Variants in TRAF3IP1 observed in about 807,000 individuals in gnomAD.
TRAF3IP1 encodes the protein intraflagellar transport 54, also known as TRAF3-interacting protein 1.
A neutral mutation model predicts 89.9 loss-of-function variants in TRAF3IP1; 53 were observed. The observed-to-expected ratio is 0.59, with a 90% CI of 0.47 to 0.74. TRAF3IP1 has a LOEUF of 0.74. TRAF3IP1 is among the 30% of genes least tolerant of loss of function. TRAF3IP1 has a pLI of 0.00. For missense variants in TRAF3IP1, 806 were observed against 866.1 expected (o/e 0.93, Z 0.87); for synonymous variants, 311 against 322.1 (o/e 0.97, Z 0.37).
intron 15 of TRAF3IP1, among the ~76,000 whole-genome samples, chr2:238,369,844 G>T (rs1377519601): frequency 2.0e-5 from 3 of 152,138 alleles, no homozygotes; most frequent in African/African-American, 7.2e-5. Context: ...ATCATTATGG[G>T]CTTGTGCCTT....
At chr2:238,369,515 A>G (rs1321409062) in intron 15 of TRAF3IP1, among the ~76,000 whole-genome samples, 1 of 152,162 alleles carries the variant, frequency 6.6e-6, no homozygotes, top group Non-Finnish European at 1.5e-5. Context: ...AGTTTTGAAC[A>G]GTACAGCTAT....
At position 238,357,844 on chromosome 2, in the gene TRAF3IP1, A is replaced by G. The variant is rs1026527290; in HGVS notation, c.1689+1764A>G. Among the ~76,000 whole-genome samples the G allele has an allele frequency of 6.6e-5, 10 of 152,316 alleles. No homozygotes were observed. In the East Asian group the frequency reaches 1.2e-3, roughly 18 times the overall value. The stretch of plus-strand genomic sequence containing the variant: ...TAGCTATGATTTTTACGCAAAGCAT[A>G]TTAGGATTGTGTTTCAAAGTCTCCT... On this transcript the variant is annotated intron_variant, in intron 15 of 16. Transcript: ENST00000373327.
At chr2:238,377,197 G>A (rs1294108024) in intron 15 of TRAF3IP1, among the ~76,000 whole-genome samples, 1 of 148,666 alleles carries the variant, frequency 6.7e-6, no homozygotes, top group African/African-American at 2.5e-5. Context: ...AATGGTGATT[G>A]TGGGTAACCT....
intron 1 of TRAF3IP1, among the ~76,000 whole-genome samples, chr2:238,321,510 G>T (rs1482788311): frequency 6.6e-6 from 1 of 152,202 alleles, no homozygotes; most frequent in Non-Finnish European, 1.5e-5. Flanking sequence ...CCTGCCCTAC[G>T]TTGAGATTGG....
intron 3 of TRAF3IP1, 92 bp from the exon 4 acceptor site, chr2:238,328,594 C>T: frequency 1.4e-6 from 2 of 1,431,222 alleles, no homozygotes; most frequent in Non-Finnish European, 1.9e-6. Flanking sequence ...GAATCTGTCT[C>T]ATGAGCTATC....
chr2:238,359,899 C>T (rs1018630646), intron 15 of TRAF3IP1, among the ~76,000 whole-genome samples: 5 of 152,136 alleles, frequency 3.3e-5, no homozygotes, highest in Non-Finnish European at 7.4e-5. Context: ...TGGACAATAA[C>T]TGATATTAAA....
At chr2:238,380,189 C>T (rs530475404) in intron 15 of TRAF3IP1, among the ~76,000 whole-genome samples, 1 of 152,282 alleles carries the variant, frequency 6.6e-6, no homozygotes, top group Non-Finnish European at 1.5e-5. Flanking sequence ...AGTCTCTGGG[C>T]AGGTGCTGGC....
rs1006413901 is a variant in TRAF3IP1, at chr2:238,347,548, C to T, written c.1282+73C>T. On this transcript the variant is annotated intron_variant, in intron 10 of 16. Coordinates refer to ENST00000373327, the MANE Select transcript of TRAF3IP1 (RefSeq NM_015650.4). The stretch of plus-strand genomic sequence containing the variant: ...GTGTGTGAATGTGAATGTGGACTCT[C>T]AGATTCATGCTTTATAAAGTGCATT... The T allele has an allele frequency of 6.7e-6, 10 of 1,484,174 alleles. No individual in the cohort carries two copies. In the Admixed American group the frequency reaches 1.7e-4, roughly 25 times the overall value. The allele number at this position is 1,484,174 out of a possible 1,614,324, so 91.9% of individuals were successfully genotyped here.
chr2:238,365,669 T>TTA (rs1699845032), intron 15 of TRAF3IP1, among the ~76,000 whole-genome samples: 1 of 150,644 alleles, frequency 6.6e-6, no homozygotes, highest in African/African-American at 2.4e-5. Context: ...AAAAATAAAA[T>TTA]AAAAATAAAA....
chr2:238,346,348 C>T (rs929910368), intron 9 of TRAF3IP1, among the ~76,000 whole-genome samples: 2 of 152,174 alleles, frequency 1.3e-5, no homozygotes, highest in East Asian at 3.9e-4. Flanking sequence ...CCACTGTGCC[C>T]TCCAGTCCCC....
rs752565888 is a variant in TRAF3IP1 at position 238,333,990 on chromosome 2, T to C, written c.1018T>C (p.Leu340=). Residue 340 remains leucine, a synonymous_variant, in exon 7 of 17, where the codon TTG becomes CTG. Coordinates refer to ENST00000373327, the MANE Select transcript of TRAF3IP1 (RefSeq NM_015650.4). ...TEISTRASKS[L]TTKTSKRRSK... ...GATTTCCACTAGAGCTTCCAAGTCA[T>C]TGACAACAAAAACATCAAAACGGCG... 1.9e-6 allele frequency: 3 copies of C among 1,610,892 alleles called. No homozygotes were observed. The highest frequency in any genetic ancestry group is 1.1e-5 in the South Asian group (1 of 90,524).
intron 15 of TRAF3IP1, among the ~76,000 whole-genome samples, chr2:238,380,155 G>T (rs1336813447): frequency 1.3e-5 from 2 of 152,122 alleles, no homozygotes; most frequent in Non-Finnish European, 2.9e-5. Context: ...TGGTGCCCAG[G>T]CCCCTCCCCT....
intron 15 of TRAF3IP1, among the ~76,000 whole-genome samples, chr2:238,370,513 G>A (rs1700067515): frequency 6.6e-6 from 1 of 152,176 alleles, no homozygotes; most frequent in Admixed American, 6.5e-5. Context: ...CCCTGGCCGT[G>A]TGGGTGCCCT....
In TRAF3IP1 at chr2:238,356,831, A is replaced by T. The variant is rs1339598515; in HGVS notation, c.1689+751A>T. 2.8e-5 allele frequency among the ~76,000 whole-genome samples: 4 copies of T among 145,402 alleles called. No homozygotes were observed. The Admixed American group carries it at 2.8e-4, about 10-fold the overall frequency. On this transcript the variant is annotated intron_variant, in intron 15 of 16. Coordinates refer to ENST00000373327, the MANE Select transcript of TRAF3IP1 (RefSeq NM_015650.4). Reference sequence around the variant, plus strand: ...TCTCGCTCTGTCGCCCAGGCTGGAGAGCAGTGGCATGATCTCGGCTCACTG... The same window carrying T: ...TCTCGCTCTGTCGCCCAGGCTGGAGTGCAGTGGCATGATCTCGGCTCACTG...
chr2:238,324,965 G>A (rs1049654541), intron 1 of TRAF3IP1, among the ~76,000 whole-genome samples: 10 of 152,126 alleles, frequency 6.6e-5, no homozygotes, highest in African/African-American at 1.9e-4. Flanking sequence ...TCTTCTGTAA[G>A]CCTGGTCCCC....
At chr2:238,388,593 C>CTTTTTT (rs752954955) in intron 15 of TRAF3IP1, among the ~76,000 whole-genome samples, 5 of 104,196 alleles carry the variant, frequency 4.8e-5, no homozygotes, top group Non-Finnish European at 5.8e-5. Context: ...AAGAACACAA[C>CTTTTTT]TTTTTTTTTT....
At chr2:238,342,999 G>T (rs922068892) in intron 8 of TRAF3IP1, among the ~76,000 whole-genome samples, 3 of 152,102 alleles carry the variant, frequency 2.0e-5, no homozygotes, top group Non-Finnish European at 4.4e-5. Context: ...TTTCTTTTTA[G>T]AGTGGTAGGT....
chr2:238,332,929 A>C (rs1698201497), intron 6 of TRAF3IP1, 34 bp downstream of exon 6: 1 of 1,508,756 alleles, frequency 6.6e-7, no homozygotes, highest in Admixed American at 1.7e-5. Context: ...AAGAGATGTC[A>C]ACTTGTAGCT....
intron 7 of TRAF3IP1, among the ~76,000 whole-genome samples, chr2:238,334,709 G>A (rs1394777991): frequency 1.3e-5 from 2 of 152,182 alleles, no homozygotes; most frequent in Non-Finnish European, 2.9e-5. Context: ...GGGAATTTTC[G>A]CCTTAGAAAG....
Sources: gnomAD v4.1 joint callset for allele counts (sites outside exome capture counted in the v4.1 genomes callset) on GRCh38, gnomAD v4.1.1 for gene constraint, MANE v1.5 for transcripts, NCBI Gene and HGNC (gene_info 2026-07-23, HGNC 2026-07-21) for gene names.